RP1: variants seen among roughly 807,000 people sequenced by gnomAD.
RP1 encodes RP1 axonemal microtubule associated, also known as oxygen-regulated protein 1.
RP1 carries 16 observed loss-of-function variants against 14.8 expected under a neutral mutation model. The observed-to-expected ratio is 1.08, with a 90% confidence interval of 0.73 to 1.65. The LOEUF is 1.65. RP1 is among the 40% of genes most tolerant of loss of function. The pLI is 0.00. For synonymous variants in RP1, 876 were observed against 883.6 expected, an observed-to-expected ratio of 0.99 and a Z score of 0.15; for missense variants, 2,631 against 2,535.0, an observed-to-expected ratio of 1.04 and a Z score of -0.81.
At chr8:54,704,235 A>T (rs576978857) in intron 14 of RP1, among the ~76,000 whole-genome samples, 1 of 152,222 alleles carries the variant, frequency 6.6e-6, no homozygotes, top group South Asian at 2.1e-4. Context: ...AAAGCAGGAG[A>T]TATGTGACTC....
chr8:54,754,694 C>T, intron 19 of RP1: 1 of 1,105,246 alleles, frequency 9.0e-7, no homozygotes, highest in African/African-American at 1.6e-5. Flanking sequence ...CTATCACCAT[C>T]ATCAGAGTAT....
chr8:54,857,208 T>C (rs1812224968), intron 27 of RP1: 1 of 311,182 alleles, frequency 3.2e-6, no homozygotes, highest in Non-Finnish European at 5.7e-6. Context: ...CATATAAAAT[T>C]CAGATAAGAA....
At chr8:54,794,246 A>C (rs1032397371) in intron 24 of RP1, among the ~76,000 whole-genome samples, 7 of 151,434 alleles carry the variant, frequency 4.6e-5, no homozygotes, top group African/African-American at 1.7e-4. Context: ...AAAACTCTAA[A>C]TAGTCAAAGC....
intron 2 of RP1, 76 bp from the exon 3 acceptor site, chr8:54,622,041 A>T (rs966926257): frequency 1.4e-5 from 20 of 1,475,916 alleles, no homozygotes; most frequent in Non-Finnish European, 1.9e-5. Context: ...TGTTGATTTG[A>T]TTCAAGCAAA....
intron 24 of RP1, among the ~76,000 whole-genome samples, chr8:54,786,141 T>A (rs1385475444): frequency 6.6e-6 from 1 of 152,124 alleles, no homozygotes; most frequent in Non-Finnish European, 1.5e-5. Context: ...TTCTTTCAAA[T>A]CGGACTGAAG....
intron 1 of RP1, among the ~76,000 whole-genome samples, chr8:54,571,023 C>A (rs10216467): frequency 0.2 from 30,572 of 152,112 alleles, 3,341 homozygotes; most frequent in African/African-American, 0.29. Flanking sequence ...CATCACATCC[C>A]ACAGGACACT....
intron 11 of RP1, chr8:54,679,731 T>G: frequency 1.1e-5 from 17 of 1,523,402 alleles, no homozygotes; most frequent in Non-Finnish European, 1.3e-5. Flanking sequence ...AAGTGCTGTT[T>G]CTTAGCAATT....
At chr8:54,840,267 T>G (rs1390641021) in intron 25 of RP1, among the ~76,000 whole-genome samples, 9 of 152,054 alleles carry the variant, frequency 5.9e-5, no homozygotes, top group Non-Finnish European at 1.0e-4. Context: ...TTATTATTAT[T>G]ATTGAGATGG....
At chr8:54,624,085 C>G (rs1259519392) in intron 3 of RP1, among the ~76,000 whole-genome samples, 1 of 152,142 alleles carries the variant, frequency 6.6e-6, no homozygotes, top group Non-Finnish European at 1.5e-5. Context: ...TTAGAGATCT[C>G]TTCTAAAGAG....
intron 1 of RP1, among the ~76,000 whole-genome samples, chr8:54,585,092 G>C (rs188928041): frequency 1.3e-5 from 2 of 152,194 alleles, no homozygotes; most frequent in South Asian, 4.1e-4. Context: ...TTTCTTCCTA[G>C]CCTTGATGGT....
chr8:54,847,592 C>T (rs1241810766), intron 25 of RP1, among the ~76,000 whole-genome samples: 1 of 152,228 alleles, frequency 6.6e-6, no homozygotes, highest in Non-Finnish European at 1.5e-5. Flanking sequence ...CCATCCAGGC[C>T]ATAGGCAGCA....
intron 24 of RP1, among the ~76,000 whole-genome samples, chr8:54,815,257 G>C (rs904356258): frequency 6.6e-6 from 1 of 152,126 alleles, no homozygotes; most frequent in African/African-American, 2.4e-5. Flanking sequence ...TTCATGCCAT[G>C]TCCAAACCCC....
intron 4 of RP1, among the ~76,000 whole-genome samples, chr8:54,650,651 T>G: frequency 6.8e-6 from 1 of 148,014 alleles, no homozygotes; most frequent in Non-Finnish European, 1.5e-5. Context: ...TCTCTTCCCT[T>G]TCCCTTCCCC....
At chr8:54,766,189 C>T (rs1315691503) in intron 22 of RP1, among the ~76,000 whole-genome samples, 1 of 151,938 alleles carries the variant, frequency 6.6e-6, no homozygotes, top group Non-Finnish European at 1.5e-5. Context: ...AGCCTGTCTA[C>T]AAATGGTTTT....
intron 15 of RP1, among the ~76,000 whole-genome samples, chr8:54,716,011 T>A (rs967310265): frequency 2.0e-5 from 3 of 152,260 alleles, no homozygotes; most frequent in Admixed American, 2.0e-4. Flanking sequence ...AGATCTTTAA[T>A]GTAAAATGAC....
intron 12 of RP1, among the ~76,000 whole-genome samples, chr8:54,691,579 A>G (rs1026879444): frequency 6.6e-6 from 1 of 151,988 alleles, no homozygotes; most frequent in African/African-American, 2.4e-5. Flanking sequence ...TTCTCAATTT[A>G]TAGATTATTA....
chr8:54,803,367 A>C (rs1169620033), intron 24 of RP1, among the ~76,000 whole-genome samples: 1 of 152,178 alleles, frequency 6.6e-6, no homozygotes, highest in Admixed American at 6.6e-5. Flanking sequence ...AAAAATGATG[A>C]ACACTACCTT....
At chr8:54,650,953 A>T (rs1263080965) in intron 4 of RP1, among the ~76,000 whole-genome samples, 1 of 150,588 alleles carries the variant, frequency 6.6e-6, no homozygotes, top group Non-Finnish European at 1.5e-5. Flanking sequence ...GTTCTTTTCA[A>T]TTTCTAGTTT....
intron 3 of RP1, among the ~76,000 whole-genome samples, chr8:54,637,349 TA>T (rs1489679631): frequency 6.6e-6 from 1 of 152,172 alleles, no homozygotes; most frequent in Non-Finnish European, 1.5e-5. Flanking sequence ...ACCTAGGCAT[TA>T]AGAGCCAGAA....
Sources: allele counts gnomAD v4.1 joint callset (sites outside exome capture counted in the v4.1 genomes callset), GRCh38; gene constraint gnomAD v4.1.1; transcripts MANE v1.5; gene names NCBI Gene and HGNC (gene_info 2026-07-23, HGNC 2026-07-21).